Variants in PCDHA2 observed in about 807,000 individuals in gnomAD.
PCDHA2 encodes protocadherin alpha-2.
Under a neutral mutation model 66.0 loss-of-function variants are expected in PCDHA2, and 58 were observed. The ratio of observed to expected loss-of-function variants is 0.88; its 90% CI spans 0.71 to 1.09. The LOEUF (loss-of-function observed/expected upper bound fraction) is 1.09. PCDHA2 is among the 50% of genes least tolerant of loss of function. The pLI is 0.00. For synonymous variants in PCDHA2, 634 were observed against 554.0 expected (o/e 1.14, Z -2.03); for missense variants, 1,267 against 1,242.3 (o/e 1.02, Z -0.30).
At chr5:140,964,961 G>A (rs552220130) in intron 1 of PCDHA2, among the ~76,000 whole-genome samples, 1 of 152,320 alleles carries the variant, frequency 6.6e-6, no homozygotes, top group Non-Finnish European at 1.5e-5. Context: ...TTGGTTGGTG[G>A]AACGAAGGGA....
At chr5:140,898,467 T>G (rs576206648) in intron 1 of PCDHA2, among the ~76,000 whole-genome samples, 147 of 152,296 alleles carry the variant, frequency 9.7e-4, no homozygotes, top group Non-Finnish European at 1.9e-3. Flanking sequence ...CATTGCTTGT[T>G]TTTCTCAGGT....
intron 1 of PCDHA2, chr5:140,967,872 A>G: frequency 1.2e-6 from 2 of 1,614,034 alleles, no homozygotes; most frequent in Non-Finnish European, 1.7e-6. Context: ...GTGCTCACGG[A>G]CCTGTATAGC....
Position 140,858,130 on chromosome 5 carries a change from C to G in PCDHA2, c.2388+60778C>G, listed in dbSNP as rs1210306605. ...CGCCCGAGGTGGCCCTGGTGGATGT[C>G]AACGTGTACCTGATCATCGCCATCT... On this transcript the variant is annotated intron_variant, in intron 1 of 3. Transcript: ENST00000526136. 27 of 1,597,776 alleles carry G rather than the reference C, an allele frequency of 1.7e-5. 5 individuals carry two copies. The highest frequency in any genetic ancestry group is 2.3e-5 in the Non-Finnish European group (27 of 1,167,556).
intron 1 of PCDHA2, among the ~76,000 whole-genome samples, chr5:140,938,203 C>T (rs1181415730): frequency 6.6e-6 from 1 of 152,146 alleles, no homozygotes; most frequent in Non-Finnish European, 1.5e-5. Flanking sequence ...ACGCCAGCCT[C>T]CCAAAGTGCT....
intron 1 of PCDHA2, among the ~76,000 whole-genome samples, chr5:140,894,564 T>C (rs1554186142): frequency 6.6e-6 from 1 of 151,978 alleles, no homozygotes; most frequent in Non-Finnish European, 1.5e-5. Context: ...GAAAAAATTA[T>C]TTTCCTTTTT....
chr5:140,864,153 T>C (rs1209982386), intron 1 of PCDHA2: 8 of 152,216 alleles, frequency 5.3e-5, no homozygotes, highest in African/African-American at 1.9e-4. Context: ...AATGAGAAAG[T>C]TAAATCTTAC....
intron 1 of PCDHA2, among the ~76,000 whole-genome samples, chr5:140,971,002 C>A (rs2096450018): frequency 6.6e-6 from 1 of 152,136 alleles, no homozygotes; most frequent in Non-Finnish European, 1.5e-5. Context: ...CAAAGAGTTT[C>A]CAGAAGTCTT....
intron 1 of PCDHA2, chr5:140,808,554 C>T: frequency 6.2e-7 from 1 of 1,614,116 alleles, no homozygotes; most frequent in Non-Finnish European, 8.5e-7. Flanking sequence ...CCGGCGTTCG[C>T]GCAGCCCGAG....
intron 1 of PCDHA2, chr5:140,966,888 C>T: frequency 1.9e-6 from 3 of 1,593,128 alleles, no homozygotes; most frequent in Non-Finnish European, 2.6e-6. Flanking sequence ...GGCCCTGCGG[C>T]CTCCCAGCTG....
chr5:140,994,258 G>A (rs2097608740), intron 3 of PCDHA2, among the ~76,000 whole-genome samples: 1 of 152,122 alleles, frequency 6.6e-6, no homozygotes, highest in Admixed American at 6.5e-5. Flanking sequence ...GGTAAATAAG[G>A]TAAGCTAGGC....
intron 1 of PCDHA2, chr5:140,823,761 C>T (rs2150066668): frequency 6.2e-7 from 1 of 1,613,892 alleles, no homozygotes. Flanking sequence ...CAGCCACAGC[C>T]ACAGTGCTGG....
intron 1 of PCDHA2, among the ~76,000 whole-genome samples, chr5:140,947,079 C>T (rs2094082344): frequency 6.6e-6 from 1 of 151,398 alleles, no homozygotes; most frequent in Non-Finnish European, 1.5e-5. Context: ...TGTATTGAAA[C>T]ATCAGACTGT....
At chr5:140,912,721 A>G (rs377668484) in intron 1 of PCDHA2, among the ~76,000 whole-genome samples, 2 of 152,066 alleles carry the variant, frequency 1.3e-5, no homozygotes, top group East Asian at 1.9e-4. Flanking sequence ...TCTCCATTCA[A>G]TATGATGTTG....
At chr5:140,837,739 G>A (rs1207886086) in intron 1 of PCDHA2, among the ~76,000 whole-genome samples, 2 of 151,316 alleles carry the variant, frequency 1.3e-5, no homozygotes, top group Non-Finnish European at 2.9e-5. Flanking sequence ...TGCAGTGGTG[G>A]GATTATAGCC....
At position 140,929,086 on chromosome 5, in the gene PCDHA2, G is replaced by A. The variant is rs899611580; in HGVS notation, c.2389-49863G>A. 2.5e-6 allele frequency: 4 copies of A among 1,614,158 alleles called. No individual in the cohort carries two copies. The South Asian group carries it at 4.4e-5, about 18-fold the overall frequency. On this transcript the variant is annotated intron_variant, in intron 1 of 3. Coordinates refer to ENST00000526136, the MANE Select transcript of PCDHA2 (RefSeq NM_018905.3). ...GGATCTGAGGTATGGAAGTAAGATG[G>A]TTTCAAATCCTTGCATGACATCAGC... is the stretch of plus-strand genomic sequence containing the variant.
At chr5:140,817,879 A>AT (rs1554127333) in intron 1 of PCDHA2, among the ~76,000 whole-genome samples, 1 of 152,168 alleles carries the variant, frequency 6.6e-6, no homozygotes, top group Non-Finnish European at 1.5e-5. Context: ...AATGAAAGTT[A>AT]TTTTTGCCAG....
rs201585398 is a variant in PCDHA2 at position 140,802,395 on chromosome 5, A to G, written c.2388+5043A>G. ...CCACGTCCCCTTCAAGCTGGTGTCC[A>G]CCTTCAAGAATTACTACTCATTGGT... On this transcript the variant is annotated intron_variant, in intron 1 of 3. Coordinates refer to ENST00000526136, the MANE Select transcript of PCDHA2 (RefSeq NM_018905.3). 1 of 1,614,230 alleles carries G rather than the reference A, an allele frequency of 6.2e-7. No individual in the cohort carries two copies. Among genetic ancestry groups the G allele is most frequent in the Non-Finnish European group, 8.5e-7 (1 of 1,180,046 alleles).
chr5:140,981,985 G>C (rs1554243637), intron 2 of PCDHA2, among the ~76,000 whole-genome samples: 1 of 152,162 alleles, frequency 6.6e-6, no homozygotes, highest in Non-Finnish European at 1.5e-5. Context: ...GAGTAAAATA[G>C]AAAATAAGGT....
At position 140,834,737 on chromosome 5, in the gene PCDHA2, T is replaced by G. The variant is rs2150225179; in HGVS notation, c.2388+37385T>G. ...TGGAAAGGCCGCTGCAGGTTTTCCATGTGGACGTGGAGGTGAAGGACATTA... is the reference window on the plus strand; with the variant it reads ...TGGAAAGGCCGCTGCAGGTTTTCCAGGTGGACGTGGAGGTGAAGGACATTA... On this transcript the variant is annotated intron_variant, in intron 1 of 3. Coordinates refer to ENST00000526136, the MANE Select transcript of PCDHA2 (RefSeq NM_018905.3). The G allele has an allele frequency of 1.1e-5, 18 of 1,614,112 alleles. No homozygotes were observed. The East Asian group carries it at 4.0e-4, about 36-fold the overall frequency.
Sources: gnomAD v4.1 joint callset for allele counts (sites outside exome capture counted in the v4.1 genomes callset) on GRCh38, gnomAD v4.1.1 for gene constraint, MANE v1.5 for transcripts, NCBI Gene and HGNC (gene_info 2026-07-23, HGNC 2026-07-21) for gene names.